KICS2: variants seen among roughly 807,000 people sequenced by gnomAD.
The protein encoded by KICS2 is KICSTOR subunit 2, also known as KICSTOR complex protein C12orf66.
A neutral mutation model predicts 31.4 loss-of-function variants in KICS2; 13 were observed. The observed-to-expected ratio is 0.41, with a 90% CI of 0.27 to 0.66. The LOEUF (loss-of-function observed/expected upper bound fraction) is 0.66. Among genes scored for constraint, KICS2 ranks in the 30% least tolerant of loss-of-function variants. The pLI is 0.28. For synonymous variants in KICS2, 209 were observed against 214.8 expected (o/e 0.97, Z 0.24); for missense variants, 455 against 545.4 (o/e 0.83, Z 1.65).
intron 2 of KICS2, among the ~76,000 whole-genome samples, chr12:64,214,975 G>A (rs1376382551): frequency 6.6e-6 from 1 of 151,784 alleles, no homozygotes; most frequent in African/African-American, 2.4e-5. Flanking sequence ...ACTTTAAAAG[G>A]GACAATATTT....
chr12:64,187,728 T>C (rs1592375674), downstream of KICS2: 2 of 1,237,680 alleles, frequency 1.6e-6, no homozygotes, highest in Non-Finnish European at 2.2e-6. Context: ...ACATAGCATG[T>C]TTTTTGTTTC....
At chr12:64,188,385 A>G (rs1174698109), downstream of KICS2, among the ~76,000 whole-genome samples, 2 of 152,082 alleles carry the variant, frequency 1.3e-5, no homozygotes, top group African/African-American at 2.4e-5. Flanking sequence ...TTAGCCGGGC[A>G]TGGTGGCGCA....
At chr12:64,215,068 G>A (rs1441226956) in intron 2 of KICS2, among the ~76,000 whole-genome samples, 1 of 151,984 alleles carries the variant, frequency 6.6e-6, no homozygotes, top group African/African-American at 2.4e-5. Context: ...CACTTTGGGA[G>A]GTGAAGACGG....
At chr12:64,215,235 C>A (rs2037616849) in intron 2 of KICS2, among the ~76,000 whole-genome samples, 1 of 152,064 alleles carries the variant, frequency 6.6e-6, no homozygotes, top group East Asian at 1.9e-4. Context: ...TTGCTTGAAC[C>A]CAGGAGGTGG....
At chr12:64,213,400 A>T (rs2037601559) in intron 2 of KICS2, among the ~76,000 whole-genome samples, 1 of 152,160 alleles carries the variant, frequency 6.6e-6, no homozygotes, top group Non-Finnish European at 1.5e-5. Flanking sequence ...AAGCTGTATG[A>T]CTCTAAGCAA....
At chr12:64,217,593 GTTCAAC>G (rs2037640885) in intron 1 of KICS2, among the ~76,000 whole-genome samples, 1 of 152,136 alleles carries the variant, frequency 6.6e-6, no homozygotes, top group Non-Finnish European at 1.5e-5. Context: ...GAGGTCAGGA[GTTCAAC>G]ACCAGCCTGG....
intron 1 of KICS2, 114 bp downstream of exon 1, chr12:64,221,889 G>C: frequency 8.5e-7 from 1 of 1,182,344 alleles, no homozygotes; most frequent in East Asian, 2.6e-5. Flanking sequence ...GGAATGCCGA[G>C]TCGAGCCTGC....
At chr12:64,211,509 A>T (rs1439530855) in intron 2 of KICS2, among the ~76,000 whole-genome samples, 2 of 152,206 alleles carry the variant, frequency 1.3e-5, no homozygotes, top group African/African-American at 4.8e-5. Context: ...ATTTCAGCTA[A>T]TTGGGAGGCT....
chr12:64,211,465 A>G (rs566660509), intron 2 of KICS2, among the ~76,000 whole-genome samples: 13 of 152,106 alleles, frequency 8.5e-5, no homozygotes, highest in Non-Finnish European at 7.4e-5. Context: ...AAGATACAAA[A>G]AAAATTAGCC....
chr12:64,212,916 C>CAAAAAATT (rs2037595092), intron 2 of KICS2, among the ~76,000 whole-genome samples: 2 of 151,626 alleles, frequency 1.3e-5, no homozygotes, highest in Non-Finnish European at 2.9e-5. Flanking sequence ...ATGGAGAAAC[C>CAAAAAATT]CTGTCTCTAC....
At chr12:64,220,009 A>G (rs2037664914) in intron 1 of KICS2, among the ~76,000 whole-genome samples, 1 of 152,240 alleles carries the variant, frequency 6.6e-6, no homozygotes, top group Non-Finnish European at 1.5e-5. Flanking sequence ...CACTGATATC[A>G]TATACACTCC....
chr12:64,193,105 T>C lies in KICS2; in HGVS notation c.*737A>G, dbSNP rs2037396716. 2.0e-6 allele frequency: 2 copies of C among 985,300 alleles called. No homozygotes were observed. The highest frequency in any genetic ancestry group is 3.5e-5 in the African/African-American group (2 of 57,228). The allele number at this position is 985,300 out of a possible 1,614,324, so 61.0% of individuals were successfully genotyped here. Reference sequence around the variant, plus strand: ...TGCTGAAGAATGAAGAAAGCCCACATGATGGCTTATGCTGACTTTACAACA... The same window carrying C: ...TGCTGAAGAATGAAGAAAGCCCACACGATGGCTTATGCTGACTTTACAACA... On this transcript the variant is annotated 3_prime_UTR_variant, in exon 3 of 3. Transcript: ENST00000398055.
rs946146525 is a variant in KICS2, at chr12:64,192,515, C to T, written c.*1327G>A. On this transcript the variant is annotated 3_prime_UTR_variant, in exon 3 of 3. Transcript: ENST00000398055. ...GGCTCTCTGGTCTCTGCTGATGTTG[C>T]TGGCATACCTGCTGTGGACACCCAG... 7.9e-6 allele frequency: 6 copies of T among 754,918 alleles called. No homozygotes were observed. The highest frequency in any genetic ancestry group is 9.7e-6 in the Non-Finnish European group (6 of 620,056). The allele number at this position is 754,918 out of a possible 1,614,324, so 46.8% of individuals were successfully genotyped here.
Position 64,193,612 on chromosome 12 carries a change from G to A in KICS2, c.*230C>T, listed in dbSNP as rs760796392. On this transcript the variant is annotated 3_prime_UTR_variant, in exon 3 of 3. Coordinates refer to ENST00000398055, the MANE Select transcript of KICS2 (RefSeq NM_152440.5). ...GGGAAAATACTGAAACTACTTTGCT[G>A]TACCATGGAGACACATGGTAGCCCA... 89 of 1,342,986 alleles carry A rather than the reference G, an allele frequency of 6.6e-5. No individual in the cohort carries two copies. In the Middle Eastern group the frequency reaches 1.1e-3, roughly 17 times the overall value. 83.2% of individuals were successfully genotyped at this position (1,342,986 alleles called of 1,614,324 possible).
At chr12:64,206,109 A>G (rs1488753259) in intron 2 of KICS2, among the ~76,000 whole-genome samples, 1 of 152,152 alleles carries the variant, frequency 6.6e-6, no homozygotes, top group African/African-American at 2.4e-5. Flanking sequence ...TTGTAGAGAC[A>G]GGGTCTTGCT....
chr12:64,190,817 A>G (rs891424501), downstream of KICS2, among the ~76,000 whole-genome samples: 1 of 152,162 alleles, frequency 6.6e-6, no homozygotes, highest in African/African-American at 2.4e-5. Flanking sequence ...CCAAATATCC[A>G]AAGCAATTAT....
chr12:64,209,023 T>C (rs1311335498), intron 2 of KICS2, among the ~76,000 whole-genome samples: 1 of 152,052 alleles, frequency 6.6e-6, no homozygotes, highest in African/African-American at 2.4e-5. Flanking sequence ...TGTAAAAAAT[T>C]CTGCAGAATC....
chr12:64,221,038 A>C (rs1291484896), intron 1 of KICS2, among the ~76,000 whole-genome samples: 1 of 149,094 alleles, frequency 6.7e-6, no homozygotes, highest in Non-Finnish European at 1.5e-5. Flanking sequence ...TTGAGTGTTT[A>C]CTGAAAGCTC....
downstream of KICS2, among the ~76,000 whole-genome samples, chr12:64,188,684 A>C (rs1365931967): frequency 2.0e-5 from 3 of 152,050 alleles, no homozygotes; most frequent in Non-Finnish European, 2.9e-5. Context: ...GAATAAAGGA[A>C]AGTCATAATA....
Sources: gnomAD v4.1 joint callset for allele counts (sites outside exome capture counted in the v4.1 genomes callset) on GRCh38, gnomAD v4.1.1 for gene constraint, MANE v1.5 for transcripts, NCBI Gene and HGNC (gene_info 2026-07-23, HGNC 2026-07-21) for gene names.